BRIP1: variants seen among roughly 807,000 people sequenced by gnomAD.
BRIP1 encodes the protein Fanconi anemia group J protein.
In BRIP1, 88 loss-of-function variants were observed where a neutral mutation model predicts 119.7. The ratio of observed to expected loss-of-function variants is 0.74; its 90% CI spans 0.62 to 0.88. The LOEUF (loss-of-function observed/expected upper bound fraction) is 0.88, where lower values mean the gene tolerates loss of function less well. Ranked by LOEUF, BRIP1 falls within the 40% of genes least tolerant of loss-of-function variation. The pLI is 0.00. For missense variants in BRIP1, 1,259 were observed against 1,455.4 expected, an observed-to-expected ratio of 0.87 and a Z score of 2.20; for synonymous variants, 443 against 496.5, an observed-to-expected ratio of 0.89 and a Z score of 1.43.
chr17:61,801,293 C>T lies in BRIP1; in HGVS notation c.1100G>A (p.Cys367Tyr), dbSNP rs1567831581. 6.2e-7 allele frequency: 1 copy of T among 1,614,020 alleles called. No individual in the cohort carries two copies. Residue 367 changes from cysteine (C) to tyrosine (Y), a missense_variant, in exon 8 of 20, where the codon TGT becomes TAT. Cys to Tyr is a radical substitution (Grantham distance 194, BLOSUM62 -2). Coordinates refer to ENST00000259008, the MANE Select transcript of BRIP1 (RefSeq NM_032043.3). ...TGCATCTAGAAGATAGTTGTAGGGA[C>T]AAAATATGATGTCAGCATCTTGTAT... ...ELIQDADIIF[C>Y]PYNYLLDAQI...
At chr17:61,697,095 C>T (rs2061536819) in intron 17 of BRIP1, among the ~76,000 whole-genome samples, 1 of 150,994 alleles carries the variant, frequency 6.6e-6, no homozygotes. Flanking sequence ...GTGGCTCACA[C>T]CTGTAATCCC....
chr17:61,817,991 A>AT lies in BRIP1; in HGVS notation c.628-9235dup, dbSNP rs199566448. Among the ~76,000 whole-genome samples, 157 of 151,614 alleles carry AT rather than the reference A, an allele frequency of 1.0e-3. 2 individuals are homozygous for AT. Among genetic ancestry groups the AT allele is most frequent in the South Asian group, 4.4e-3 (21 of 4,814 alleles). ...GAATTCCAATCAAAATCCCAGCAAG[A>AT]TTTTTTTTTGGGTAATCTAAATTTA... is the stretch of plus-strand genomic sequence containing the variant. On this transcript the variant is annotated intron_variant, in intron 6 of 19. Coordinates refer to ENST00000259008, the MANE Select transcript of BRIP1 (RefSeq NM_032043.3).
In BRIP1 at chr17:61,768,644, G is replaced by C. The variant is rs983551443; in HGVS notation, c.2097+7757C>G. Among the ~76,000 whole-genome samples the C allele has an allele frequency of 2.6e-5, 4 of 151,972 alleles. No homozygotes were observed. The highest frequency in any genetic ancestry group is 9.7e-5 in the African/African-American group (4 of 41,356). On this transcript the variant is annotated intron_variant, in intron 14 of 19. Coordinates refer to ENST00000259008, the MANE Select transcript of BRIP1 (RefSeq NM_032043.3). The surrounding 1 kb of genome is among the most constrained non-coding windows in gnomAD (Gnocchi z 5.0). The stretch of plus-strand genomic sequence containing the variant: ...TTCTTCCTAACCTTTTTCTTACCCT[G>C]ATAAATTAACCCCTGTGATAAAAAG...
At position 61,713,929 on chromosome 17, in the gene BRIP1, C is replaced by G. The variant is rs2061818847; in HGVS notation, c.2492+2022G>C. 3.3e-5 allele frequency among the ~76,000 whole-genome samples: 5 copies of G among 151,512 alleles called. No individual in the cohort carries two copies. The highest frequency in any genetic ancestry group is 3.3e-4 in the Admixed American group (5 of 15,238). On this transcript the variant is annotated intron_variant, in intron 17 of 19. Coordinates refer to ENST00000259008, the MANE Select transcript of BRIP1 (RefSeq NM_032043.3). The surrounding 1 kb of genome is among the most constrained non-coding windows in gnomAD (Gnocchi z 4.9). ...GGATATAAAAATTATTTTTGTACAG[C>G]TGTATAATTTGTGTTTTAAGCTAAG...
In BRIP1 at chr17:61,713,341, G is replaced by A. The variant is rs1414477038; in HGVS notation, c.2492+2610C>T. Among the ~76,000 whole-genome samples, 1 of 151,798 alleles carries A rather than the reference G, an allele frequency of 6.6e-6. No individual in the cohort carries two copies. Among genetic ancestry groups the A allele is most frequent in the Admixed American group, 6.6e-5 (1 of 15,228 alleles). ...AAAGTTAACTATAAAACAGCTTCAG[G>A]CAGATCCCTCAGGAAGAATTCCAGA... On this transcript the variant is annotated intron_variant, in intron 17 of 19. Transcript: ENST00000259008. This position sits in a 1 kb window ranked among gnomAD's most constrained non-coding sequence, Gnocchi z 4.9.
Position 61,730,633 on chromosome 17 carries a change from A to G in BRIP1, c.2379+12380T>C, listed in dbSNP as rs2076832042. On this transcript the variant is annotated intron_variant, in intron 16 of 19. Coordinates refer to ENST00000259008, the MANE Select transcript of BRIP1 (RefSeq NM_032043.3). This position sits in a 1 kb window ranked among gnomAD's most constrained non-coding sequence, Gnocchi z 4.3. Reference sequence around the variant, plus strand: ...ATAACTTCAGAATTGTTCAAAAATCAAAACCAAAAGTTTTTATTTATTAAT... The same window carrying G: ...ATAACTTCAGAATTGTTCAAAAATCGAAACCAAAAGTTTTTATTTATTAAT... Among the ~76,000 whole-genome samples, 2 of 152,222 alleles carry G rather than the reference A, an allele frequency of 1.3e-5. No individual in the cohort carries two copies. The highest frequency in any genetic ancestry group is 1.3e-4 in the Admixed American group (2 of 15,278).
At chr17:61,821,812 A>C (rs969489348) in intron 6 of BRIP1, among the ~76,000 whole-genome samples, 1 of 151,456 alleles carries the variant, frequency 6.6e-6, no homozygotes, top group African/African-American at 2.4e-5. Context: ...TCAACCCTCA[A>C]CCTCCTCGGC....
Position 61,679,170 on chromosome 17 carries a change from A to C in BRIP1, c.*4126T>G, listed in dbSNP as rs1451212583. On this transcript the variant is annotated 3_prime_UTR_variant, in exon 20 of 20. Transcript: ENST00000259008. This position sits in a 1 kb window ranked among gnomAD's most constrained non-coding sequence, Gnocchi z 4.4. ...AAATGCGTTTTAATATAGGAAAGTA[A>C]TACAAAAAAGTCCAGTTGCAGAAAA... Among the ~76,000 whole-genome samples the C allele has an allele frequency of 6.6e-6, 1 of 152,222 alleles. No individual in the cohort carries two copies. The highest frequency in any genetic ancestry group is 1.5e-5 in the Non-Finnish European group (1 of 68,022).
rs1250564989 is a variant in BRIP1 at position 61,815,367 on chromosome 17, G to C, written c.628-6610C>G. On this transcript the variant is annotated intron_variant, in intron 6 of 19. Coordinates refer to ENST00000259008, the MANE Select transcript of BRIP1 (RefSeq NM_032043.3). The surrounding 1 kb of genome is among the most constrained non-coding windows in gnomAD (Gnocchi z 4.1). ...CAAGTGCTCAAAGCAGATTGTGACT[G>C]ATTTGGGTTAGGGCTTTATTCCAGA... Among the ~76,000 whole-genome samples, 1 of 152,126 alleles carries C rather than the reference G, an allele frequency of 6.6e-6. No homozygotes were observed. The highest frequency in any genetic ancestry group is 1.9e-4 in the East Asian group (1 of 5,198).
chr17:61,835,217 G>C (rs1395626814), intron 6 of BRIP1, among the ~76,000 whole-genome samples: 2 of 152,052 alleles, frequency 1.3e-5, no homozygotes, highest in East Asian at 3.9e-4. Flanking sequence ...AATATTGAAA[G>C]TCTAAAAATA....
rs45566938 is a variant in BRIP1, at chr17:61,861,504, C to A, written c.36G>T (p.Gly12=). 420 of 1,613,026 alleles carry A rather than the reference C, an allele frequency of 2.6e-4. No homozygotes were observed. The highest frequency in any genetic ancestry group is 3.3e-4 in the Non-Finnish European group (391 of 1,179,378). The part of the protein sequence containing the change: ...SSMWSEYTIG[G]VKIYFPYKAY... The stretch of plus-strand genomic sequence containing the variant: ...CTTTATAAGGAAAGTAAATCTTCAC[C>A]CCACCAATTGTATATTCAGACCACA... The change falls in exon 2 of 20, where the codon GGG becomes GGT. Residue 12 remains glycine (G), a synonymous_variant. Transcript: ENST00000259008. This position sits in a 1 kb window ranked among gnomAD's most constrained non-coding sequence, Gnocchi z 4.5.
rs1450633586 is a variant in BRIP1 at position 61,686,630 on chromosome 17, C to T, written c.2576-465G>A. On this transcript the variant is annotated intron_variant, in intron 18 of 19. Transcript: ENST00000259008. This position sits in a 1 kb window ranked among gnomAD's most constrained non-coding sequence, Gnocchi z 5.4. The stretch of plus-strand genomic sequence containing the variant: ...CAAGTTTTTTTGTTCCCTTCCTCCA[C>T]CAATTCCAAATATATCTTAAATTAA... 2.0e-5 allele frequency among the ~76,000 whole-genome samples: 3 copies of T among 151,946 alleles called. No homozygotes were observed. Among genetic ancestry groups the T allele is most frequent in the African/African-American group, 7.2e-5 (3 of 41,386 alleles).
chr17:61,694,556 G>A (rs1418622727), intron 17 of BRIP1, among the ~76,000 whole-genome samples: 1 of 151,898 alleles, frequency 6.6e-6, no homozygotes. Context: ...GAATTGGGGA[G>A]TCATATAGTA....
chr17:61,835,021 C>T (rs2061861829), intron 6 of BRIP1, among the ~76,000 whole-genome samples: 1 of 152,206 alleles, frequency 6.6e-6, no homozygotes, highest in South Asian at 2.1e-4. Flanking sequence ...GAATAGACAG[C>T]AGGCAGAATA....
At position 61,793,669 on chromosome 17, in the gene BRIP1, T is replaced by C. The variant is rs764979728; in HGVS notation, c.1401A>G (p.Ile467Met). ...VERDYESACK[I>M]WSGNEMLLTL... ...TTAAGAGCATTTCATTTCCACTCCATATTTTACAAGCTGATTCATAATCTC... is the reference window on the plus strand; with the variant it reads ...TTAAGAGCATTTCATTTCCACTCCACATTTTACAAGCTGATTCATAATCTC... The change falls in exon 10 of 20, where the codon ATA (isoleucine) becomes ATG (methionine). Residue 467 changes from isoleucine to methionine, a missense_variant. By Grantham distance (10) the Ile-to-Met change is conservative (BLOSUM62 1). Transcript: ENST00000259008. This position sits in a 1 kb window ranked among gnomAD's most constrained non-coding sequence, Gnocchi z 5.2. 21 of 1,610,268 alleles carry C rather than the reference T, an allele frequency of 1.3e-5. No individual in the cohort carries two copies. The South Asian group carries it at 1.3e-4, about 10-fold the overall frequency.
rs1254948511 is a variant in BRIP1, at chr17:61,844,037, C to T, written c.627+3064G>A. ...TCTTCTGGCTCAAGGGATCCCCCTC[C>T]CTCAGCCTCCTGAGTAGCTAGGACT... On this transcript the variant is annotated intron_variant, in intron 6 of 19. Coordinates refer to ENST00000259008, the MANE Select transcript of BRIP1 (RefSeq NM_032043.3). This position sits in a 1 kb window ranked among gnomAD's most constrained non-coding sequence, Gnocchi z 4.7. Among the ~76,000 whole-genome samples the T allele has an allele frequency of 2.6e-5, 4 of 151,948 alleles. No individual in the cohort carries two copies. The highest frequency in any genetic ancestry group is 7.3e-5 in the African/African-American group (3 of 41,378).
In BRIP1 at chr17:61,713,046, G is replaced by C. The variant is rs917897059; in HGVS notation, c.2492+2905C>G. On this transcript the variant is annotated intron_variant, in intron 17 of 19. Transcript: ENST00000259008. The surrounding 1 kb of genome is among the most constrained non-coding windows in gnomAD (Gnocchi z 4.9). ...GTCAGTGTGAAGTGCATATATGATA[G>C]TGGTCCCATAAGATTATAATGGAGC... 4.6e-5 allele frequency among the ~76,000 whole-genome samples: 7 copies of C among 152,246 alleles called. No homozygotes were observed. The highest frequency in any genetic ancestry group is 1.4e-4 in the African/African-American group (6 of 41,552).
Position 61,696,230 on chromosome 17 carries a change from G to C in BRIP1, c.2493-2718C>G, listed in dbSNP as rs149361785. ...TTTTTTTTTGCATCTTGAGAAGATC[G>C]TGTGGTTTTAGTCTTCTTTTAATAT... On this transcript the variant is annotated intron_variant, in intron 17 of 19. Coordinates refer to ENST00000259008, the MANE Select transcript of BRIP1 (RefSeq NM_032043.3). Among the ~76,000 whole-genome samples, 172 of 149,716 alleles carry C rather than the reference G, an allele frequency of 1.1e-3. 1 individual carries two copies. Among genetic ancestry groups the C allele is most frequent in the African/African-American group, 4.1e-3 (167 of 40,722 alleles).
chr17:61,819,027 A>G (rs1025983000), intron 6 of BRIP1, among the ~76,000 whole-genome samples: 1 of 151,986 alleles, frequency 6.6e-6, no homozygotes, highest in African/African-American at 2.4e-5. Context: ...CTCTACCAAA[A>G]ATACAAAAAT....
Sources: gnomAD v4.1 joint callset for allele counts (sites outside exome capture counted in the v4.1 genomes callset) on GRCh38, gnomAD v4.1.1 for gene constraint, Gnocchi (gnomAD v3.1) non-coding constraint, MANE v1.5 for transcripts, NCBI Gene and HGNC (gene_info 2026-07-23, HGNC 2026-07-21) for gene names.